The following KIAA2012 variants were observed in gnomAD, a reference collection of about 807,000 sequenced individuals.
The protein encoded by KIAA2012 is uncharacterized protein KIAA2012.
In KIAA2012, 125 loss-of-function variants were observed where a neutral mutation model predicts 150.6. The ratio of observed to expected loss-of-function variants is 0.83; its 90% CI spans 0.72 to 0.96. The LOEUF (loss-of-function observed/expected upper bound fraction) is 0.96. Among genes scored for constraint, KIAA2012 ranks in the 40% least tolerant of loss-of-function variants. The pLI is 0.00. For missense variants in KIAA2012, 1,219 were observed against 1,354.9 expected, an observed-to-expected ratio of 0.90 and a Z score of 1.57; for synonymous variants, 462 against 504.7, an observed-to-expected ratio of 0.92 and a Z score of 1.13.
At chr2:202,174,746 C>A (rs1320025120) in intron 15 of KIAA2012, among the ~76,000 whole-genome samples, 13 of 152,124 alleles carry the variant, frequency 8.5e-5, no homozygotes. Context: ...AGGCTCATAT[C>A]ATTTTATTCA....
chr2:202,120,005 A>G (rs1429087139), intron 11 of KIAA2012, among the ~76,000 whole-genome samples: 1 of 152,190 alleles, frequency 6.6e-6, no homozygotes, highest in Non-Finnish European at 1.5e-5. Flanking sequence ...TTCCCTGCAC[A>G]AGCTCTCTTT....
intron 12 of KIAA2012, chr2:202,136,356 T>G (rs116078354): frequency 1.3e-4 from 20 of 154,266 alleles, no homozygotes; most frequent in Non-Finnish European, 4.3e-5. Flanking sequence ...ATTCCTCCTG[T>G]CTGGCGTTGT....
At chr2:202,093,272 G>A (rs373569381) in intron 4 of KIAA2012, 87 bp downstream of exon 4, 22 of 1,381,510 alleles carry the variant, frequency 1.6e-5, no homozygotes, top group Middle Eastern at 1.8e-4. Flanking sequence ...CCCAAAACAA[G>A]GTCTTGAGAT....
chr2:202,159,623 C>T (rs1054794286), intron 14 of KIAA2012, among the ~76,000 whole-genome samples: 1 of 152,140 alleles, frequency 6.6e-6, no homozygotes, highest in Non-Finnish European at 1.5e-5. Flanking sequence ...AGGTGGATCA[C>T]CACCTCAGGT....
intron 22 of KIAA2012, among the ~76,000 whole-genome samples, chr2:202,201,003 G>T (rs1342591595): frequency 6.6e-6 from 1 of 152,136 alleles, no homozygotes; most frequent in Non-Finnish European, 1.5e-5. Context: ...ACCGCGCCTG[G>T]CCGTAATTTG....
In KIAA2012 at chr2:202,073,676, G is replaced by A. The variant is rs1057059647; in HGVS notation, c.49G>A (p.Asp17Asn). ...CCGGGGCCACGGGAAGCTGGGCCAG[G>A]ACAAACAGAAGTTAGAAGTCTACTT... ...LSRGHGKLGQ[D>N]KQKLEVYFEP... Residue 17 changes from aspartate to asparagine, a missense_variant, in exon 1 of 24, where the codon GAC becomes AAC. Transcript: ENST00000498697. The A allele has an allele frequency of 2.3e-5, 35 of 1,550,412 alleles. No individual in the cohort carries two copies. Among genetic ancestry groups the A allele is most frequent in the Non-Finnish European group, 2.8e-5 (32 of 1,146,924 alleles).
chr2:202,073,694 G>A lies in KIAA2012; in HGVS notation c.67G>A (p.Val23Ile), dbSNP rs1689258109. The change falls in exon 1 of 24, where the codon GTC (valine) becomes ATC (isoleucine). Residue 23 changes from valine to isoleucine, a missense_variant. Transcript: ENST00000498697. ...KLGQDKQKLE[V>I]YFEPEDYLNW... Reference sequence around the variant, plus strand: ...GGGCCAGGACAAACAGAAGTTAGAAGTCTACTTTGAACCAGAGGTGAGTCC... The same window carrying A: ...GGGCCAGGACAAACAGAAGTTAGAAATCTACTTTGAACCAGAGGTGAGTCC... 1.3e-6 allele frequency: 2 copies of A among 1,550,446 alleles called. No individual in the cohort carries two copies. Among genetic ancestry groups the A allele is most frequent in the Non-Finnish European group, 1.7e-6 (2 of 1,146,942 alleles).
intron 15 of KIAA2012, among the ~76,000 whole-genome samples, chr2:202,165,992 CAG>C (rs1438547094): frequency 6.6e-6 from 1 of 152,182 alleles, no homozygotes. Context: ...TGACACTAGA[CAG>C]GGAAACATGC....
chr2:202,123,198 A>ACGGTGTT (rs778676950), intron 11 of KIAA2012, among the ~76,000 whole-genome samples: 5 of 152,190 alleles, frequency 3.3e-5, no homozygotes, highest in African/African-American at 4.8e-5. Context: ...GCGGTGACAG[A>ACGGTGTT]CGGTGTTCGT....
chr2:202,168,053 G>C (rs1691807418), intron 15 of KIAA2012, among the ~76,000 whole-genome samples: 1 of 151,958 alleles, frequency 6.6e-6, no homozygotes, highest in Non-Finnish European at 1.5e-5. Context: ...CTGTAAAATG[G>C]GGATACTAAC....
At chr2:202,179,525 G>A (rs1024605501) in intron 15 of KIAA2012, 31 of 697,760 alleles carry the variant, frequency 4.4e-5, no homozygotes, top group Middle Eastern at 3.1e-4. Context: ...GGTGTACAGT[G>A]GCGTGGGCCC....
At position 202,155,275 on chromosome 2, in the gene KIAA2012, T is replaced by A. The variant is rs1012258667; in HGVS notation, c.2046+465T>A. ...TTGCTTTCTGTTCTCTAAGAGTTCATTGATCTCACAAGCTCAGCTTCATTT... is the reference window on the plus strand; with the variant it reads ...TTGCTTTCTGTTCTCTAAGAGTTCAATGATCTCACAAGCTCAGCTTCATTT... On this transcript the variant is annotated intron_variant, in intron 14 of 23. Coordinates refer to ENST00000498697, the MANE Select transcript of KIAA2012 (RefSeq NM_001277372.4). 2.6e-5 allele frequency among the ~76,000 whole-genome samples: 4 copies of A among 152,314 alleles called. No homozygotes were observed. The South Asian group carries it at 8.3e-4, about 32-fold the overall frequency.
intron 14 of KIAA2012, among the ~76,000 whole-genome samples, chr2:202,164,836 A>C (rs1275571813): frequency 6.6e-6 from 1 of 152,218 alleles, no homozygotes; most frequent in Non-Finnish European, 1.5e-5. Context: ...TTAGGCATTC[A>C]GAACTGCACA....
At chr2:202,089,095 G>A (rs1027035280) in intron 2 of KIAA2012, among the ~76,000 whole-genome samples, 1 of 152,192 alleles carries the variant, frequency 6.6e-6, no homozygotes, top group Admixed American at 6.5e-5. Context: ...AGCCTCTGCA[G>A]GCCCATAAGA....
chr2:202,119,369 C>CT (rs1270329285), intron 11 of KIAA2012, among the ~76,000 whole-genome samples: 2 of 151,830 alleles, frequency 1.3e-5, no homozygotes, highest in African/African-American at 4.8e-5. Flanking sequence ...TGTATTATTT[C>CT]TTTTTTTTAA....
At chr2:202,099,850 T>G in intron 6 of KIAA2012, 54 bp downstream of exon 6, 1 of 1,440,032 alleles carries the variant, frequency 6.9e-7, no homozygotes, top group Non-Finnish European at 9.3e-7. Flanking sequence ...TCATGCAGAG[T>G]TCATTTAAGG....
chr2:202,128,369 G>T (rs1448548485), intron 12 of KIAA2012, among the ~76,000 whole-genome samples: 1 of 151,932 alleles, frequency 6.6e-6, no homozygotes, highest in South Asian at 2.1e-4. Flanking sequence ...GGGCTCAAGC[G>T]ATCCTCCCAT....
At chr2:202,161,833 A>C (rs1691664221) in intron 14 of KIAA2012, among the ~76,000 whole-genome samples, 1 of 152,078 alleles carries the variant, frequency 6.6e-6, no homozygotes, top group Non-Finnish European at 1.5e-5. Flanking sequence ...CACTCAATAA[A>C]TGTTCATTAG....
chr2:202,129,538 T>G (rs946270024), intron 12 of KIAA2012, among the ~76,000 whole-genome samples: 3 of 152,134 alleles, frequency 2.0e-5, no homozygotes, highest in African/African-American at 7.2e-5. Flanking sequence ...TCACAATTTT[T>G]TGTGTTCTTT....
Sources: gnomAD v4.1 joint callset for allele counts (sites outside exome capture counted in the v4.1 genomes callset) on GRCh38, gnomAD v4.1.1 for gene constraint, MANE v1.5 for transcripts, NCBI Gene and HGNC (gene_info 2026-07-23, HGNC 2026-07-21) for gene names.